HSD17B12: variants seen among roughly 807,000 people sequenced by gnomAD.
HSD17B12 encodes the protein hydroxysteroid 17-beta dehydrogenase 12, also known as very-long-chain 3-oxoacyl-CoA reductase.
In HSD17B12, 32 loss-of-function variants were observed where a neutral mutation model predicts 39.3. The observed-to-expected ratio is 0.81, with a 90% CI of 0.61 to 1.09. The LOEUF (loss-of-function observed/expected upper bound fraction) is 1.09, where lower values mean the gene tolerates loss of function less well. Among genes scored for constraint, HSD17B12 ranks in the 50% least tolerant of loss-of-function variants. The probability of loss-of-function intolerance (pLI) is 0.00; values close to 1 mark genes in which losing one functional copy is unlikely to be tolerated. For synonymous variants in HSD17B12, 150 were observed against 146.7 expected (o/e 1.02, Z -0.16); for missense variants, 342 against 382.9 (o/e 0.89, Z 0.89).
chr11:43,730,687 G>A (rs1950259573), intron 1 of HSD17B12, among the ~76,000 whole-genome samples: 1 of 152,216 alleles, frequency 6.6e-6, no homozygotes, highest in East Asian at 1.9e-4. Context: ...AGTCAGGCAT[G>A]ACAAGTAGAT....
intron 1 of HSD17B12, among the ~76,000 whole-genome samples, chr11:43,710,699 A>G (rs1950057090): frequency 6.6e-6 from 1 of 152,236 alleles, no homozygotes; most frequent in Non-Finnish European, 1.5e-5. Flanking sequence ...TTTTATTAAA[A>G]TGAAGTTTAT....
chr11:43,629,309 G>T, the HSD17B12 span, among the ~76,000 whole-genome samples: 1 of 152,152 alleles, frequency 6.6e-6, no homozygotes, highest in African/African-American at 2.4e-5. Context: ...TGATTCTAAT[G>T]GGGTCCTGTA....
At chr11:43,761,574 T>G (rs11037606) in intron 3 of HSD17B12, among the ~76,000 whole-genome samples, 1 of 152,206 alleles carries the variant, frequency 6.6e-6, no homozygotes, top group African/African-American at 2.4e-5. Context: ...TTGCTCCTCA[T>G]GGCATTACTG....
intron 1 of HSD17B12, among the ~76,000 whole-genome samples, chr11:43,748,486 GA>G (rs1278985310): frequency 6.6e-6 from 1 of 152,008 alleles, no homozygotes; most frequent in Non-Finnish European, 1.5e-5. Flanking sequence ...GGGGTGAGTT[GA>G]AAAACTACCT....
chr11:43,601,549 G>A, the HSD17B12 span, among the ~76,000 whole-genome samples: 8 of 150,296 alleles, frequency 5.3e-5, no homozygotes, highest in African/African-American at 1.7e-4. Context: ...GGGAAAAGAA[G>A]GACTCACCTG....
intron 9 of HSD17B12, among the ~76,000 whole-genome samples, chr11:43,840,776 A>G (rs1389139027): frequency 6.6e-6 from 1 of 152,184 alleles, no homozygotes; most frequent in Non-Finnish European, 1.5e-5. Context: ...TTTACATGTT[A>G]GTGGGCATCT....
At chr11:43,852,903 GAT>G (rs1249334416) in intron 9 of HSD17B12, 3 of 152,196 alleles carry the variant, frequency 2.0e-5, no homozygotes, top group Non-Finnish European at 4.4e-5. Context: ...GAAAGAGGAA[GAT>G]AGAGAGTGAC....
chr11:43,605,476 G>A, the HSD17B12 span, among the ~76,000 whole-genome samples: 11 of 150,616 alleles, frequency 7.3e-5, no homozygotes, highest in East Asian at 5.8e-4. Context: ...CAGGAGAATC[G>A]CTTTAACCCA....
the HSD17B12 span, among the ~76,000 whole-genome samples, chr11:43,662,852 A>T: frequency 1.6e-4 from 24 of 152,184 alleles, no homozygotes; most frequent in Admixed American, 6.5e-4. Flanking sequence ...TTGAACATAC[A>T]TTCAATATGT....
At position 43,828,539 on chromosome 11, in the gene HSD17B12, C is replaced by T. The variant is rs866831092; in HGVS notation, c.502-2437C>T. Among the ~76,000 whole-genome samples, 4 of 152,290 alleles carry T rather than the reference C, an allele frequency of 2.6e-5. No individual in the cohort carries two copies. In the Middle Eastern group the frequency reaches 0.014, roughly 518 times the overall value. ...AAAATGGGTCTGGAAATCATGTTTA[C>T]TACTACTTGTCTAATATTCTTAACC... On this transcript the variant is annotated intron_variant, in intron 6 of 10. Transcript: ENST00000278353.
the HSD17B12 span, among the ~76,000 whole-genome samples, chr11:43,640,236 C>T: frequency 3.9e-5 from 6 of 151,996 alleles, no homozygotes; most frequent in African/African-American, 1.4e-4. Flanking sequence ...TCTCATTCCC[C>T]CCCTCTAAAG....
the HSD17B12 span, among the ~76,000 whole-genome samples, chr11:43,655,996 G>A: frequency 2.0e-5 from 3 of 152,194 alleles, no homozygotes; most frequent in African/African-American, 7.2e-5. Context: ...GCTCCTCCTT[G>A]TACCTCTGGT....
chr11:43,688,089 G>T (rs909429505), intron 1 of HSD17B12, among the ~76,000 whole-genome samples: 2 of 152,080 alleles, frequency 1.3e-5, no homozygotes, highest in African/African-American at 4.8e-5. Flanking sequence ...GTATGCACCT[G>T]TAGTCCCCGC....
At chr11:43,768,682 G>C (rs879440032) in intron 3 of HSD17B12, among the ~76,000 whole-genome samples, 8 of 152,196 alleles carry the variant, frequency 5.3e-5, no homozygotes, top group Non-Finnish European at 1.2e-4. Flanking sequence ...AAGGTGGTGT[G>C]GACCCAAAGA....
chr11:43,696,154 C>T (rs539922860), intron 1 of HSD17B12, among the ~76,000 whole-genome samples: 40 of 152,256 alleles, frequency 2.6e-4, no homozygotes, highest in African/African-American at 9.4e-4. Context: ...TAGTTCCATC[C>T]ATGTTCCTGC....
the HSD17B12 span, among the ~76,000 whole-genome samples, chr11:43,661,287 G>A: frequency 6.6e-6 from 1 of 152,298 alleles, no homozygotes; most frequent in African/African-American, 2.4e-5. Context: ...CAGAATCAGT[G>A]GTTATGATGG....
At chr11:43,646,205 T>G in the HSD17B12 span, 1 of 152,200 alleles carries the variant, frequency 6.6e-6, no homozygotes, top group African/African-American at 2.4e-5. Flanking sequence ...TGGCTGGGTA[T>G]GTACATGTGA....
At chr11:43,771,175 T>C (rs1191457840) in intron 3 of HSD17B12, among the ~76,000 whole-genome samples, 1 of 152,238 alleles carries the variant, frequency 6.6e-6, no homozygotes, top group African/African-American at 2.4e-5. Context: ...AATTGTATGA[T>C]ACAGTATAGT....
At chr11:43,560,889 T>A in the HSD17B12 span, among the ~76,000 whole-genome samples, 10 of 152,118 alleles carry the variant, frequency 6.6e-5, no homozygotes, top group Admixed American at 5.2e-4. Context: ...CTATTACTCA[T>A]CTTCCTTCGT....
Sources: allele counts gnomAD v4.1 joint callset (sites outside exome capture counted in the v4.1 genomes callset), GRCh38; gene constraint gnomAD v4.1.1; transcripts MANE v1.5; gene names NCBI Gene and HGNC (gene_info 2026-07-23, HGNC 2026-07-21).